The following SPEF2 variants were observed in gnomAD, a reference collection of about 807,000 sequenced individuals.
SPEF2 encodes sperm flagellar and cilia associated 2.
In SPEF2, 187 loss-of-function variants were observed where a neutral mutation model predicts 224.6. That is an observed-to-expected ratio of 0.83 (90% CI 0.74 to 0.94). The LOEUF is 0.94. SPEF2 is among the 40% of genes least tolerant of loss of function. SPEF2 has a pLI of 0.00. For missense variants in SPEF2, 2,170 were observed against 2,135.6 expected, an observed-to-expected ratio of 1.02 and a Z score of -0.32; for synonymous variants, 715 against 707.3, an observed-to-expected ratio of 1.01 and a Z score of -0.17.
chr5:35,787,362 C>G (rs140259332), intron 30 of SPEF2, among the ~76,000 whole-genome samples: 75 of 151,706 alleles, frequency 4.9e-4, no homozygotes, highest in South Asian at 1.0e-3. Context: ...ACCTTGCAGA[C>G]ACACTACCAT....
chr5:35,764,420 C>A (rs1443361517), intron 26 of SPEF2: 2 of 367,244 alleles, frequency 5.4e-6, no homozygotes, highest in South Asian at 2.1e-5. Flanking sequence ...TCATTTCTAC[C>A]CAAATCAAAG....
chr5:35,793,376 A>C (rs369040177), intron 32 of SPEF2, 35 bp downstream of exon 32: 1 of 1,593,260 alleles, frequency 6.3e-7, no homozygotes, highest in African/African-American at 1.3e-5. Context: ...TGATAACACC[A>C]GAACACTTGT....
At chr5:35,757,310 AGCCTAAG>A (rs1750605411) in intron 24 of SPEF2, among the ~76,000 whole-genome samples, 1 of 152,074 alleles carries the variant, frequency 6.6e-6, no homozygotes, top group African/African-American at 2.4e-5. Context: ...TAATGAGGTA[AGCCTAAG>A]GCACAGATAA....
intron 20 of SPEF2, among the ~76,000 whole-genome samples, chr5:35,714,881 A>G (rs1742237494): frequency 6.6e-6 from 1 of 151,816 alleles, no homozygotes; most frequent in African/African-American, 2.4e-5. Flanking sequence ...CTTCTGCATA[A>G]CGTTTGATTA....
chr5:35,694,297 C>T lies in SPEF2; in HGVS notation c.1909C>T (p.His637Tyr). The T allele has an allele frequency of 6.2e-7, 1 of 1,613,386 alleles. No homozygotes were observed. The highest frequency in any genetic ancestry group is 8.5e-7 in the Non-Finnish European group (1 of 1,179,620). Residue 637 changes from histidine to tyrosine, a missense_variant, in exon 13 of 37, where the codon CAT becomes TAT. Physicochemically the swap from His to Tyr is moderately conservative, Grantham distance 83. Coordinates refer to ENST00000356031, the MANE Select transcript of SPEF2 (RefSeq NM_024867.4). ...EEIKESQDPQ[H>Y]VFSAGPVSDE... ...TGTTTTCTCTCCAAAGGATCCACAA[C>T]ATGTATTTTCAGCTGGTCCAGTTTC...
At chr5:35,696,537 A>T (rs1755347757) in intron 14 of SPEF2, among the ~76,000 whole-genome samples, 1 of 152,222 alleles carries the variant, frequency 6.6e-6, no homozygotes. Context: ...TATTGATTTT[A>T]AAATCTCACA....
In SPEF2 at chr5:35,774,016, T is replaced by G. The variant is rs768405148; in HGVS notation, c.4073T>G (p.Phe1358Cys). The change falls in exon 28 of 37, where the codon TTT (phenylalanine) becomes TGT (cysteine). Residue 1358 changes from phenylalanine to cysteine, a missense_variant. Physicochemically the swap from Phe to Cys is radical, Grantham distance 205 (BLOSUM62 -2). Coordinates refer to ENST00000356031, the MANE Select transcript of SPEF2 (RefSeq NM_024867.4). ...IKEEHLAALQ[F>C]EEIATQFRLE... ...GAAGAACACCTTGCTGCCTTGCAATTTGAAGGTAGCGATTGAAACGACTAA... is the reference window on the plus strand; with the variant it reads ...GAAGAACACCTTGCTGCCTTGCAATGTGAAGGTAGCGATTGAAACGACTAA... The G allele has an allele frequency of 3.1e-6, 5 of 1,611,834 alleles. No individual in the cohort carries two copies. Among genetic ancestry groups the G allele is most frequent in the Non-Finnish European group, 4.2e-6 (5 of 1,179,112 alleles).
Position 35,776,333 on chromosome 5 carries a change from G to A in SPEF2, c.4155G>A (p.Val1385=). ...TTCTTGAAGATTTAGTAACAAAGGT[G>A]GTTGATGTATATAAACTCATGGAAA... is the stretch of plus-strand genomic sequence containing the variant. ...LALLEDLVTK[V]VDVYKLMEKW... Residue 1385 remains valine, a synonymous_variant, in exon 29 of 37, where the codon GTG becomes GTA. Coordinates refer to ENST00000356031, the MANE Select transcript of SPEF2 (RefSeq NM_024867.4). 6.2e-7 allele frequency: 1 copy of A among 1,612,982 alleles called. No individual in the cohort carries two copies. The highest frequency in any genetic ancestry group is 1.7e-5 in the Admixed American group (1 of 59,848).
chr5:35,618,271 G>T (rs1343453874), intron 1 of SPEF2, among the ~76,000 whole-genome samples: 1 of 152,160 alleles, frequency 6.6e-6, no homozygotes, highest in Non-Finnish European at 1.5e-5. Flanking sequence ...GCCAGGGCAA[G>T]GCCTTGTCAC....
At chr5:35,777,899 G>A (rs1044023961) in intron 29 of SPEF2, among the ~76,000 whole-genome samples, 5 of 152,124 alleles carry the variant, frequency 3.3e-5, no homozygotes, top group Admixed American at 2.0e-4. Flanking sequence ...GGCTATGGTT[G>A]GGTCTCAATC....
At chr5:35,723,286 G>A (rs745587577) in intron 20 of SPEF2, among the ~76,000 whole-genome samples, 3 of 152,216 alleles carry the variant, frequency 2.0e-5, no homozygotes, top group Non-Finnish European at 4.4e-5. Flanking sequence ...TATGAGAGCA[G>A]AGGCTCTTCA....
intron 8 of SPEF2, among the ~76,000 whole-genome samples, chr5:35,665,451 G>A (rs910519949): frequency 4.1e-5 from 6 of 145,600 alleles, no homozygotes; most frequent in African/African-American, 1.5e-4. Flanking sequence ...GGGAGGGAGG[G>A]AGGGAGCGAG....
intron 10 of SPEF2, among the ~76,000 whole-genome samples, chr5:35,690,069 CTTTG>C (rs1028451846): frequency 1.1e-4 from 17 of 151,956 alleles, no homozygotes; most frequent in African/African-American, 2.7e-4. Flanking sequence ...TTAATGGCTA[CTTTG>C]TTTATTTTCC....
At chr5:35,755,449 C>T (rs976980306) in intron 24 of SPEF2, among the ~76,000 whole-genome samples, 2 of 152,092 alleles carry the variant, frequency 1.3e-5, no homozygotes, top group African/African-American at 4.8e-5. Flanking sequence ...GTATAGTACT[C>T]AATATTCCAA....
chr5:35,763,830 AT>A (rs574505665), intron 26 of SPEF2, 128 bp downstream of exon 26: 17 of 796,216 alleles, frequency 2.1e-5, no homozygotes, highest in Middle Eastern at 3.2e-4. Context: ...CCTTCGAAAC[AT>A]TTTTTTTCTG....
At chr5:35,795,210 A>C (rs535692090) in intron 32 of SPEF2, among the ~76,000 whole-genome samples, 1 of 152,136 alleles carries the variant, frequency 6.6e-6, no homozygotes, top group African/African-American at 2.4e-5. Flanking sequence ...TCAGTCATTC[A>C]GTTACTTAAC....
At position 35,788,764 on chromosome 5, in the gene SPEF2, CT is replaced by C. The variant is rs774233043; in HGVS notation, c.4448-3573del. The C allele has an allele frequency of 1.7e-4, 121 of 702,914 alleles. 1 individual carries two copies. Among genetic ancestry groups the C allele is most frequent in the Non-Finnish European group, 2.6e-4 (100 of 384,990 alleles). The allele number at this position is 702,914 out of a possible 1,614,324, so 43.5% of individuals were successfully genotyped here. ...AACCATGTGTACAAACTGTATATTG[CT>C]TTGCACATCACCTTGAACTATCTTA... On this transcript the variant is annotated intron_variant, in intron 30 of 36. Transcript: ENST00000356031.
chr5:35,717,274 ATTC>A (rs1272191266), intron 20 of SPEF2, among the ~76,000 whole-genome samples: 1 of 152,188 alleles, frequency 6.6e-6, no homozygotes, highest in Non-Finnish European at 1.5e-5. Context: ...TGGCTGCAGA[ATTC>A]TTCTCCCTTG....
intron 2 of SPEF2, among the ~76,000 whole-genome samples, chr5:35,636,103 T>G (rs149924168): frequency 4.4e-4 from 67 of 152,282 alleles, no homozygotes; most frequent in African/African-American, 1.6e-3. Context: ...TGCTGCTGCT[T>G]CTGCTTTTTT....
Sources: allele counts gnomAD v4.1 joint callset (sites outside exome capture counted in the v4.1 genomes callset), GRCh38; gene constraint gnomAD v4.1.1; transcripts MANE v1.5; gene names NCBI Gene and HGNC (gene_info 2026-07-23, HGNC 2026-07-21).